The following SH3PXD2A variants were observed in gnomAD, a reference collection of about 807,000 sequenced individuals.
SH3PXD2A encodes the protein SH3 and PX domains 2A, also known as SH3 and PX domain-containing protein 2A.
Under a neutral mutation model 115.2 loss-of-function variants are expected in SH3PXD2A, and 32 were observed. That is an observed-to-expected ratio of 0.28 (90% CI 0.21 to 0.37). The LOEUF is 0.37. SH3PXD2A is among the 10% of genes least tolerant of loss of function. The probability of loss-of-function intolerance (pLI) is 1.00; values close to 1 mark genes in which losing one functional copy is unlikely to be tolerated. For missense variants in SH3PXD2A, 1,328 were observed against 1,498.7 expected, an observed-to-expected ratio of 0.89 and a Z score of 1.88; for synonymous variants, 610 against 629.1, an observed-to-expected ratio of 0.97 and a Z score of 0.45.
At chr10:103,790,893 T>C (rs533351548) in intron 2 of SH3PXD2A, among the ~76,000 whole-genome samples, 1 of 152,366 alleles carries the variant, frequency 6.6e-6, no homozygotes, top group African/African-American at 2.4e-5. Flanking sequence ...GGAAAACTTA[T>C]AATTCCACCA....
chr10:103,656,832 A>G (rs2037220200), intron 8 of SH3PXD2A, among the ~76,000 whole-genome samples: 2 of 151,252 alleles, frequency 1.3e-5, no homozygotes, highest in Non-Finnish European at 2.9e-5. Context: ...CCATCTCAAA[A>G]AAAAAAAAAA....
At position 103,618,587 on chromosome 10, in the gene SH3PXD2A, C is replaced by T. The variant is rs572498745; in HGVS notation, c.803-1273G>A. ...CCTGAGCCACTGTTGTCCTCTCTGGCGTGGGTGCTCCCCAGGGGCTGAGAC... is the reference window on the plus strand; with the variant it reads ...CCTGAGCCACTGTTGTCCTCTCTGGTGTGGGTGCTCCCCAGGGGCTGAGAC... On this transcript the variant is annotated intron_variant, in intron 10 of 14. Transcript: ENST00000369774. Among the ~76,000 whole-genome samples, 76 of 152,332 alleles carry T rather than the reference C, an allele frequency of 5.0e-4. 1 individual carries two copies. The highest frequency in any genetic ancestry group is 3.4e-3 in the Middle Eastern group (1 of 294).
chr10:103,797,634 C>A, intron 2 of SH3PXD2A, among the ~76,000 whole-genome samples: 1 of 150,094 alleles, frequency 6.7e-6, no homozygotes, highest in South Asian at 2.1e-4. Context: ...TGCAGGGCTT[C>A]ACATGCAGGG....
At chr10:103,695,641 T>G (rs910517963) in intron 5 of SH3PXD2A, among the ~76,000 whole-genome samples, 4 of 152,080 alleles carry the variant, frequency 2.6e-5, no homozygotes, top group African/African-American at 9.7e-5. Context: ...TGGTTAAAAT[T>G]CAGATGCAGG....
At position 103,595,457 on chromosome 10, in the gene SH3PXD2A, G is replaced by A. The variant is rs1268433291; in HGVS notation, c.*6359C>T. On this transcript the variant is annotated 3_prime_UTR_variant, in exon 15 of 15. Transcript: ENST00000369774. ...AGCCTCCTTCCCTAATGAAGGGACA[G>A]TAGGCCCCAGCTACCCCAAACATGC... The A allele has an allele frequency of 6.6e-6, 1 of 152,258 alleles. No individual in the cohort carries two copies. Among genetic ancestry groups the A allele is most frequent in the Non-Finnish European group, 1.5e-5 (1 of 68,060 alleles). The allele number at this position is 152,258 out of a possible 1,614,324, so 9.4% of individuals were successfully genotyped here.
At chr10:103,761,037 G>A (rs568070571) in intron 3 of SH3PXD2A, among the ~76,000 whole-genome samples, 15 of 152,302 alleles carry the variant, frequency 9.8e-5, no homozygotes, top group Admixed American at 3.3e-4. Flanking sequence ...GGAATGCCGA[G>A]AGGTTGGGCC....
chr10:103,724,203 C>G (rs965615713), intron 5 of SH3PXD2A, 67 bp downstream of exon 5: 3 of 791,540 alleles, frequency 3.8e-6, no homozygotes, highest in Non-Finnish European at 3.8e-6. Context: ...CCTCAGCCTC[C>G]CCAGGCTGGC....
chr10:103,799,043 C>A (rs1249347218), intron 2 of SH3PXD2A, among the ~76,000 whole-genome samples: 1 of 152,218 alleles, frequency 6.6e-6, no homozygotes, highest in Non-Finnish European at 1.5e-5. Context: ...CAATTTGAAC[C>A]TTCACACTAC....
In SH3PXD2A at chr10:103,596,663, A is replaced by ACTCTCTCTCTCCCTCTCT. The variant is rs2036139804; in HGVS notation, c.*5152_*5153insAGAGAGGGAGAGAGAGAG. 8.0e-6 allele frequency: 1 copy of ACTCTCTCTCTCCCTCTCT among 124,440 alleles called. No individual in the cohort carries two copies. The highest frequency in any genetic ancestry group is 1.7e-5 in the Non-Finnish European group (1 of 59,982). 7.7% of individuals were successfully genotyped at this position (124,440 alleles called of 1,614,324 possible). A position where few individuals can be genotyped will look rare whatever the true frequency, so the allele number is the denominator to read the frequency against. ...CACACACACACACACACACACACAC[A>ACTCTCTCTCTCCCTCTCT]CTCTCTCTCTCTCTCTCTCTCTCAC... On this transcript the variant is annotated 3_prime_UTR_variant, in exon 15 of 15. Coordinates refer to ENST00000369774, the MANE Select transcript of SH3PXD2A (RefSeq NM_001394015.1).
chr10:103,829,120 C>T (rs2039461129), intron 1 of SH3PXD2A, among the ~76,000 whole-genome samples: 1 of 152,146 alleles, frequency 6.6e-6, no homozygotes, highest in Non-Finnish European at 1.5e-5. Flanking sequence ...ATTTGGCTCT[C>T]CTGGTACAAT....
At chr10:103,773,224 CAA>C (rs386372322) in intron 2 of SH3PXD2A, among the ~76,000 whole-genome samples, 1,433 of 114,828 alleles carry the variant, frequency 0.012, 24 homozygotes, top group African/African-American at 0.043. Flanking sequence ...AACTCTGTCT[CAA>C]AAAAAAAAAA....
chr10:103,855,067 C>G, intron 1 of SH3PXD2A, 128 bp downstream of exon 1: 1 of 533,464 alleles, frequency 1.9e-6, no homozygotes, highest in Non-Finnish European at 3.2e-6. Context: ...CGAAGAAACT[C>G]CACGGCTGCT....
At chr10:103,672,024 C>T (rs2037467596) in intron 6 of SH3PXD2A, among the ~76,000 whole-genome samples, 1 of 152,192 alleles carries the variant, frequency 6.6e-6, no homozygotes, top group South Asian at 2.1e-4. Context: ...CGGTGGCTCA[C>T]CCTGTAATCC....
At chr10:103,734,315 T>C (rs1473485938) in intron 4 of SH3PXD2A, among the ~76,000 whole-genome samples, 1 of 152,226 alleles carries the variant, frequency 6.6e-6, no homozygotes, top group Non-Finnish European at 1.5e-5. Flanking sequence ...AAATTCTAGC[T>C]CTATTAAAGC....
intron 5 of SH3PXD2A, among the ~76,000 whole-genome samples, chr10:103,698,191 C>A (rs545049042): frequency 1.3e-5 from 2 of 152,192 alleles, no homozygotes; most frequent in African/African-American, 4.8e-5. Flanking sequence ...CCAGGAAGAG[C>A]CACTGAGGCA....
intron 5 of SH3PXD2A, among the ~76,000 whole-genome samples, chr10:103,711,784 G>T (rs1027253871): frequency 6.6e-6 from 1 of 152,198 alleles, no homozygotes; most frequent in African/African-American, 2.4e-5. Flanking sequence ...GCCAGGCATG[G>T]CAGCTCACAC....
At position 103,612,908 on chromosome 10, in the gene SH3PXD2A, C is replaced by A; in HGVS notation, c.1203G>T (p.Arg401Ser). The A allele has an allele frequency of 6.2e-7, 1 of 1,609,526 alleles. No homozygotes were observed. The highest frequency in any genetic ancestry group is 8.5e-7 in the Non-Finnish European group (1 of 1,177,886). ...CCACAGCTGGAGAGCCCTGGGCCAG[C>A]CTGGAGACAGTCCTGTCAGGAACGC... ...AVGVPDRTVS[R>S]LAQGSPAVAR... Residue 401 changes from arginine (R) to serine (S), a missense_variant, in exon 12 of 15, where the codon AGG becomes AGT. Physicochemically the swap from Arg to Ser is moderately radical, Grantham distance 110. Around this residue, in one of 5 missense-constraint regions of SH3PXD2A, gnomAD observed 509 missense variants for 628.3 expected, o/e 0.81. Transcript: ENST00000369774.
rs569640466 is a variant in SH3PXD2A at position 103,794,918 on chromosome 10, T to C, written c.153+6364A>G. On this transcript the variant is annotated intron_variant, in intron 2 of 14. Coordinates refer to ENST00000369774, the MANE Select transcript of SH3PXD2A (RefSeq NM_001394015.1). Reference sequence around the variant, plus strand: ...AAAAGCCCTAAGGATGGGCAAACTGTGCAGGAGAATAATCTCCCTCTTCTT... The same window carrying C: ...AAAAGCCCTAAGGATGGGCAAACTGCGCAGGAGAATAATCTCCCTCTTCTT... 4.3e-4 allele frequency among the ~76,000 whole-genome samples: 65 copies of C among 152,324 alleles called. No individual in the cohort carries two copies. The South Asian group carries it at 0.011, about 26-fold the overall frequency.
At chr10:103,839,452 GTTTTCTGT>G (rs2039576105) in intron 1 of SH3PXD2A, among the ~76,000 whole-genome samples, 1 of 152,216 alleles carries the variant, frequency 6.6e-6, no homozygotes, top group East Asian at 1.9e-4. Context: ...TGTTTTGAGT[GTTTTCTGT>G]TTTACGTTAA....
Sources: gnomAD v4.1 joint callset for allele counts (sites outside exome capture counted in the v4.1 genomes callset) on GRCh38, gnomAD v4.1.1 for gene constraint, gnomAD v4.1.1 regional missense constraint, MANE v1.5 for transcripts, NCBI Gene and HGNC (gene_info 2026-07-23, HGNC 2026-07-21) for gene names.